The following TMEM35B variants were observed in gnomAD, a reference collection of about 807,000 sequenced individuals.
TMEM35B encodes transmembrane protein 35B, also known as ZMYM6 neighbor protein.
Under a neutral mutation model 8.7 loss-of-function variants are expected in TMEM35B, and 6 were observed. That is an observed-to-expected ratio of 0.69 (90% CI 0.38 to 1.36). TMEM35B has a LOEUF of 1.36. Ranked by LOEUF, TMEM35B falls within the 40% of genes most tolerant of loss-of-function variation. The probability of loss-of-function intolerance (pLI) is 0.02; values close to 1 mark genes in which losing one functional copy is unlikely to be tolerated. For synonymous variants in TMEM35B, 89 were observed against 87.0 expected, an observed-to-expected ratio of 1.02 and a Z score of -0.13; for missense variants, 176 against 181.6, an observed-to-expected ratio of 0.97 and a Z score of 0.18.
rs1163962621 is a variant in TMEM35B, at chr1:34,983,578, C to CAAAAAAAAAAAAA, written c.289+176_289+188dup. Among the ~76,000 whole-genome samples, 31 of 23,218 alleles carry CAAAAAAAAAAAAA rather than the reference C, an allele frequency of 1.3e-3. 2 individuals are homozygous for CAAAAAAAAAAAAA. Among genetic ancestry groups the CAAAAAAAAAAAAA allele is most frequent in the East Asian group, 3.1e-3 (2 of 650 alleles). 15.2% of individuals were successfully genotyped at this position (23,218 alleles called of 152,430 possible). ...TGGGCGAAAGAGCGAGACTCCATCT[C>CAAAAAAAAAAAAA]AAAAAAAAAAAAAAAAAAAAAAAAA... On this transcript the variant is annotated intron_variant, in intron 2 of 2. Coordinates refer to ENST00000373337, the Ensembl canonical transcript of TMEM35B.
intron 1 of TMEM35B, among the ~76,000 whole-genome samples, chr1:34,984,447 ACTCCTCAGCTCTACCTCCC>A (rs1419682106): frequency 6.6e-6 from 1 of 151,874 alleles, no homozygotes; most frequent in Admixed American, 6.6e-5. Context: ...TCCTGTTCCC[ACTCCTCAGCTCTACCTCCC>A]CTCCTCAGCT....
At chr1:34,984,022 C>T (rs1460877659) in intron 1 of TMEM35B, 75 bp from the exon 2 acceptor site, 1 of 1,306,048 alleles carries the variant, frequency 7.7e-7, no homozygotes, top group Admixed American at 3.3e-5. Flanking sequence ...CATGGCATAT[C>T]TATGCCTGTG....
chr1:34,982,023 T>G (rs1477614673), exon 3 of TMEM35B: 1 of 1,550,342 alleles, frequency 6.5e-7, no homozygotes, highest in Non-Finnish European at 8.7e-7. Context: ...GGCTAAGAGC[T>G]GGCCGACATT....
intron 2 of TMEM35B, among the ~76,000 whole-genome samples, 189 bp downstream of exon 2, chr1:34,983,578 C>CAAAAAAAAAAAAAAAAAAA (rs1163962621): frequency 4.3e-5 from 1 of 23,222 alleles, no homozygotes; most frequent in African/African-American, 1.3e-4. Context: ...GACTCCATCT[C>CAAAAAAAAAAAAAAAAAAA]AAAAAAAAAA....
chr1:34,984,058 T>A, intron 1 of TMEM35B, 111 bp from the exon 2 acceptor site: 1 of 1,101,826 alleles, frequency 9.1e-7, no homozygotes, highest in Non-Finnish European at 1.2e-6. Flanking sequence ...AGAAAAGAAC[T>A]ACTACTCTAG....
At chr1:34,984,572 G>A (rs1474875261) in intron 1 of TMEM35B, among the ~76,000 whole-genome samples, 2 of 152,152 alleles carry the variant, frequency 1.3e-5, no homozygotes, top group African/African-American at 2.4e-5. Context: ...GCTCTTTTGA[G>A]GGACTGGGGA....
intron 2 of TMEM35B, among the ~76,000 whole-genome samples, 176 bp downstream of exon 2, chr1:34,983,578 CAAAAAAAAAAAAA>C (rs1163962621): frequency 1.3e-4 from 3 of 23,194 alleles, no homozygotes; most frequent in Admixed American, 5.1e-4. Flanking sequence ...GACTCCATCT[CAAAAAAAAAAAAA>C]AAAAAAAAAA....
At position 34,983,865 on chromosome 1, in the gene TMEM35B, G is replaced by A. The variant is rs1348730397; in HGVS notation, c.191C>T (p.Ala64Val). The change falls in exon 2 of 3, where the codon GCT becomes GTT. Residue 64 changes from alanine to valine, a missense_variant. Ala to Val is a moderately conservative substitution (Grantham distance 64, BLOSUM62 0). Transcript: ENST00000373337. Reference sequence around the variant, plus strand: ...AGCCAGCAGTTCCAGAAAGCCCACAGCTATTTGGTAGTTCAGGGGATCTGG... The same window carrying A: ...AGCCAGCAGTTCCAGAAAGCCCACAACTATTTGGTAGTTCAGGGGATCTGG... 4 of 1,545,132 alleles carry A rather than the reference G, an allele frequency of 2.6e-6. No individual in the cohort carries two copies. The African/African-American group carries it at 4.1e-5, about 16-fold the overall frequency.
chr1:34,983,578 C>CAAAAAAAAAAAA lies in TMEM35B; in HGVS notation c.289+177_289+188dup, dbSNP rs1163962621. On this transcript the variant is annotated intron_variant, in intron 2 of 2. Coordinates refer to ENST00000373337, the Ensembl canonical transcript of TMEM35B. ...TGGGCGAAAGAGCGAGACTCCATCT[C>CAAAAAAAAAAAA]AAAAAAAAAAAAAAAAAAAAAAAAA... 3.8e-3 allele frequency among the ~76,000 whole-genome samples: 88 copies of CAAAAAAAAAAAA among 23,212 alleles called. 6 individuals are homozygous for CAAAAAAAAAAAA. Among genetic ancestry groups the CAAAAAAAAAAAA allele is most frequent in the East Asian group, 0.023 (15 of 648 alleles). 15.2% of individuals were successfully genotyped at this position (23,212 alleles called of 152,430 possible).
intron 2 of TMEM35B, among the ~76,000 whole-genome samples, chr1:34,982,988 T>C (rs1156858662): frequency 6.6e-6 from 1 of 152,190 alleles, no homozygotes; most frequent in Non-Finnish European, 1.5e-5. Flanking sequence ...GCTGTCTTTG[T>C]ACATCAGCAG....
At position 34,982,621 on chromosome 1, in the gene TMEM35B, C is replaced by T. The variant is rs577609054; in HGVS notation, c.290-502G>A. Among the ~76,000 whole-genome samples, 5 of 152,096 alleles carry T rather than the reference C, an allele frequency of 3.3e-5. No individual in the cohort carries two copies. In the South Asian group the frequency reaches 6.2e-4, roughly 19 times the overall value. ...CCTCCTGAGTAGCTGGGATTACAGG[C>T]GCGCACCACCACGCCCGGCTAATGT... On this transcript the variant is annotated intron_variant, in intron 2 of 2. Coordinates refer to ENST00000373337, the Ensembl canonical transcript of TMEM35B.
At chr1:34,983,977 T>G (rs1234670116) in intron 1 of TMEM35B, 30 bp from the exon 2 acceptor site, 1 of 1,435,492 alleles carries the variant, frequency 7.0e-7, no homozygotes, top group Non-Finnish European at 9.2e-7. Flanking sequence ...CCTGTTAGCC[T>G]CATTGTTCAA....
intron 2 of TMEM35B, 94 bp from the exon 3 acceptor site, chr1:34,982,213 C>T: frequency 9.0e-7 from 1 of 1,112,904 alleles, no homozygotes; most frequent in Non-Finnish European, 1.2e-6. Flanking sequence ...CCACTCCAGC[C>T]CAAGCCCTCC....
intron 2 of TMEM35B, among the ~76,000 whole-genome samples, chr1:34,983,158 G>A (rs538188712): frequency 6.6e-6 from 1 of 152,330 alleles, no homozygotes; most frequent in African/African-American, 2.4e-5. Flanking sequence ...TGGATGTGTG[G>A]AGGAAGGAGC....
exon 2 of TMEM35B, chr1:34,983,838 C>A (rs1349600692): frequency 6.5e-7 from 1 of 1,546,858 alleles, no homozygotes; most frequent in Non-Finnish European, 8.7e-7. Flanking sequence ...CAGCAGCAAC[C>A]CAGCCAGCAG....
exon 1 of TMEM35B, chr1:34,985,264 G>A (rs1172124138): frequency 1.3e-6 from 2 of 1,545,178 alleles, no homozygotes; most frequent in Admixed American, 3.9e-5. Context: ...GCGCGAAGAA[G>A]CCGCCCAGCA....
Position 34,983,829 on chromosome 1 carries a change from AG to A in TMEM35B, c.226del (p.Leu76TrpfsTer16), listed in dbSNP as rs1569725359. The A allele has an allele frequency of 6.5e-7, 1 of 1,547,086 alleles. No individual in the cohort carries two copies. The highest frequency in any genetic ancestry group is 1.4e-5 in the African/African-American group (1 of 72,934). On this transcript the variant is annotated frameshift_variant, in exon 2 of 3. Coordinates refer to ENST00000373337, the Ensembl canonical transcript of TMEM35B. LOFTEE classifies it high-confidence loss of function. ...TTGCAGCATCGGTGGGCCCATGACC[AG>A]CAGCAACCCAGCCAGCAGTTCCAGA...
intron 2 of TMEM35B, among the ~76,000 whole-genome samples, 193 bp from the exon 3 acceptor site, chr1:34,982,312 T>C (rs1291937053): frequency 1.3e-5 from 2 of 151,988 alleles, no homozygotes; most frequent in Admixed American, 1.3e-4. Flanking sequence ...ACCAGGAAAT[T>C]AGAAGCCTCT....
chr1:34,985,299 G>A (rs1274939702), exon 1 of TMEM35B: 1 of 1,531,578 alleles, frequency 6.5e-7, no homozygotes, highest in Non-Finnish European at 8.8e-7. Flanking sequence ...GAAAGCAGGA[G>A]CGCCATGGCC....
Sources: gnomAD v4.1 joint callset for allele counts (sites outside exome capture counted in the v4.1 genomes callset) on GRCh38, gnomAD v4.1.1 for gene constraint, MANE v1.5 for transcripts, NCBI Gene and HGNC (gene_info 2026-07-23, HGNC 2026-07-21) for gene names.